The following STPG2 variants were observed in gnomAD, a reference collection of about 807,000 sequenced individuals.
STPG2 encodes the protein sperm-tail PG-rich repeat-containing protein 2.
In STPG2, 56 loss-of-function variants were observed where a neutral mutation model predicts 54.2. That is an observed-to-expected ratio of 1.03 (90% CI 0.83 to 1.29). The LOEUF is 1.29. STPG2 is among the 50% of genes most tolerant of loss of function. The probability of loss-of-function intolerance (pLI) is 0.00; values close to 1 mark genes in which losing one functional copy is unlikely to be tolerated. For synonymous variants in STPG2, 200 were observed against 181.8 expected, an observed-to-expected ratio of 1.10 and a Z score of -0.81; for missense variants, 596 against 544.9, an observed-to-expected ratio of 1.09 and a Z score of -0.93.
intron 10 of STPG2, among the ~76,000 whole-genome samples, chr4:97,661,163 A>G (rs1722365984): frequency 6.6e-6 from 1 of 152,224 alleles, no homozygotes; most frequent in African/African-American, 2.4e-5. Flanking sequence ...TCCGTGGGTA[A>G]TATAGAATCA....
At chr4:97,447,259 C>T (rs138376819) in intron 4 of STPG2, among the ~76,000 whole-genome samples, 1,715 of 152,154 alleles carry the variant, frequency 0.011, 22 homozygotes, top group Non-Finnish European at 0.013. Flanking sequence ...TTAAAAGGCA[C>T]GTGGAGCATA....
At chr4:98,055,504 A>G (rs1435847842) in intron 5 of STPG2, among the ~76,000 whole-genome samples, 1 of 152,172 alleles carries the variant, frequency 6.6e-6, no homozygotes, top group Non-Finnish European at 1.5e-5. Flanking sequence ...TGGGTGAGTT[A>G]AACTGGCAAG....
intron 10 of STPG2, among the ~76,000 whole-genome samples, chr4:97,631,365 G>A (rs1721272147): frequency 2.0e-5 from 3 of 151,870 alleles, no homozygotes; most frequent in Admixed American, 1.3e-4. Context: ...CAAATGACTT[G>A]GACAATGCTT....
chr4:97,758,451 A>T (rs1644875787), intron 9 of STPG2, among the ~76,000 whole-genome samples: 1 of 152,222 alleles, frequency 6.6e-6, no homozygotes, highest in Non-Finnish European at 1.5e-5. Context: ...CATAAAAAAG[A>T]ATCAGTTCAT....
chr4:97,508,581 C>T (rs1362831638), intron 4 of STPG2, among the ~76,000 whole-genome samples: 1 of 151,936 alleles, frequency 6.6e-6, no homozygotes, highest in Non-Finnish European at 1.5e-5. Context: ...CATACCATAT[C>T]AACAAATATT....
chr4:97,905,616 T>C (rs1731379954), intron 8 of STPG2, among the ~76,000 whole-genome samples: 1 of 151,930 alleles, frequency 6.6e-6, no homozygotes, highest in African/African-American at 2.4e-5. Context: ...ATATTAACTT[T>C]AAATGTAAAT....
At chr4:97,602,166 TCAA>T (rs1296450993) in intron 10 of STPG2, among the ~76,000 whole-genome samples, 1 of 151,888 alleles carries the variant, frequency 6.6e-6, no homozygotes, top group Non-Finnish European at 1.5e-5. Flanking sequence ...TTCTATGTTG[TCAA>T]CATCATCTTC....
At chr4:97,547,609 G>A (rs1004315714) in intron 4 of STPG2, among the ~76,000 whole-genome samples, 2 of 152,124 alleles carry the variant, frequency 1.3e-5, no homozygotes, top group Admixed American at 6.6e-5. Flanking sequence ...TGGGTGATGC[G>A]GAGAAAGACT....
intron 4 of STPG2, among the ~76,000 whole-genome samples, chr4:98,108,969 T>C (rs1453630912): frequency 6.6e-6 from 1 of 152,086 alleles, no homozygotes; most frequent in African/African-American, 2.4e-5. Flanking sequence ...CTATGGCACA[T>C]GTATACCCAT....
intron 10 of STPG2, among the ~76,000 whole-genome samples, chr4:97,681,317 A>G (rs2148979274): frequency 6.6e-6 from 1 of 152,058 alleles, no homozygotes; most frequent in South Asian, 2.1e-4. Flanking sequence ...AACAAGAAAA[A>G]GAAATTTACT....
intron 4 of STPG2, among the ~76,000 whole-genome samples, chr4:97,506,555 T>G (rs998592172): frequency 6.6e-6 from 1 of 151,872 alleles, no homozygotes; most frequent in African/African-American, 2.4e-5. Flanking sequence ...AAATGGAAAG[T>G]GTTTTATATA....
intron 4 of STPG2, among the ~76,000 whole-genome samples, chr4:97,483,735 T>C (rs1185793386): frequency 6.6e-6 from 1 of 151,770 alleles, no homozygotes; most frequent in Admixed American, 6.6e-5. Context: ...TTAACAGATA[T>C]ATACAGAACT....
intron 2 of STPG2, among the ~76,000 whole-genome samples, chr4:98,133,394 C>T (rs539483979): frequency 3.3e-5 from 5 of 152,042 alleles, no homozygotes; most frequent in Admixed American, 2.0e-4. Flanking sequence ...TCACAGTCAC[C>T]GTTCACAGAG....
At chr4:97,801,165 G>C (rs930049696) in intron 9 of STPG2, among the ~76,000 whole-genome samples, 1 of 152,168 alleles carries the variant, frequency 6.6e-6, no homozygotes, top group South Asian at 2.1e-4. Context: ...CTCAGCTCAT[G>C]CTCAGTGGGC....
At chr4:97,850,277 G>A (rs1266366281) in intron 8 of STPG2, among the ~76,000 whole-genome samples, 13 of 53,260 alleles carry the variant, frequency 2.4e-4, no homozygotes, top group Non-Finnish European at 3.3e-4. Context: ...GTGGTGGGGA[G>A]GGGGGAGGGG....
At chr4:98,035,277 A>G (rs1736735430) in intron 5 of STPG2, among the ~76,000 whole-genome samples, 1 of 152,186 alleles carries the variant, frequency 6.6e-6, no homozygotes, top group African/African-American at 2.4e-5. Context: ...CCCCATCAAA[A>G]AGTGGGCAAA....
chr4:97,619,459 A>G (rs1339544028), intron 10 of STPG2, among the ~76,000 whole-genome samples: 1 of 152,022 alleles, frequency 6.6e-6, no homozygotes, highest in Non-Finnish European at 1.5e-5. Context: ...AACATTAACT[A>G]GAGAACTATT....
At chr4:97,678,288 T>C (rs1389939210) in intron 10 of STPG2, among the ~76,000 whole-genome samples, 1 of 152,146 alleles carries the variant, frequency 6.6e-6, no homozygotes, top group Non-Finnish European at 1.5e-5. Context: ...TACATTAAAT[T>C]ACAGATTTCT....
At chr4:97,863,574 G>A (rs892762342) in intron 8 of STPG2, among the ~76,000 whole-genome samples, 2 of 152,172 alleles carry the variant, frequency 1.3e-5, no homozygotes, top group Non-Finnish European at 2.9e-5. Context: ...TAGAATAAGA[G>A]GGAATCCTCC....
Sources: allele counts gnomAD v4.1 joint callset (sites outside exome capture counted in the v4.1 genomes callset), GRCh38; gene constraint gnomAD v4.1.1; transcripts MANE v1.5; gene names NCBI Gene and HGNC (gene_info 2026-07-23, HGNC 2026-07-21).